Variants in TDRD9 observed in about 807,000 individuals in gnomAD.
The protein encoded by TDRD9 is tudor domain containing 9, also known as ATP-dependent RNA helicase TDRD9.
In TDRD9, 124 loss-of-function variants were observed where a neutral mutation model predicts 172.6. The ratio of observed to expected loss-of-function variants is 0.72; its 90% confidence interval spans 0.62 to 0.83. The LOEUF is 0.83. TDRD9 is among the 40% of genes least tolerant of loss of function. The pLI, the probability that TDRD9 is intolerant of heterozygous loss-of-function variation, is 0.00. For synonymous variants in TDRD9, 619 were observed against 617.1 expected, an observed-to-expected ratio of 1.00 and a Z score of -0.05; for missense variants, 1,479 against 1,714.1, an observed-to-expected ratio of 0.86 and a Z score of 2.42.
intron 31 of TDRD9, among the ~76,000 whole-genome samples, chr14:104,034,551 A>G (rs577939147): frequency 6.6e-6 from 1 of 152,244 alleles, no homozygotes; most frequent in Admixed American, 6.5e-5. Context: ...TACGCGGTGG[A>G]GCATTCTCAC....
chr14:103,995,837 A>T (rs778771453), intron 12 of TDRD9, 30 bp downstream of exon 12: 1 of 1,581,768 alleles, frequency 6.3e-7, no homozygotes, highest in South Asian at 1.2e-5. Context: ...ACCTCCTGGC[A>T]TTAGCTGTAG....
intron 5 of TDRD9, among the ~76,000 whole-genome samples, chr14:103,968,740 G>A (rs1329850924): frequency 1.7e-5 from 2 of 119,702 alleles, no homozygotes; most frequent in Admixed American, 1.1e-4. Flanking sequence ...AGGTTGCAGT[G>A]AGCTGAGATT....
At chr14:104,018,666 T>A (rs1417560544) in intron 23 of TDRD9, among the ~76,000 whole-genome samples, 1 of 152,232 alleles carries the variant, frequency 6.6e-6, no homozygotes, top group Non-Finnish European at 1.5e-5. Flanking sequence ...ACTTACTGCA[T>A]GTAAGGAACA....
At chr14:103,952,252 T>C (rs1453541581) in intron 1 of TDRD9, among the ~76,000 whole-genome samples, 1 of 60,460 alleles carries the variant, frequency 1.7e-5, no homozygotes, top group Non-Finnish European at 3.1e-5. Context: ...TTTTTTTTTT[T>C]TTTTTTGAGG....
intron 1 of TDRD9, among the ~76,000 whole-genome samples, chr14:103,932,959 C>T (rs914806083): frequency 2.0e-5 from 3 of 151,826 alleles, no homozygotes; most frequent in African/African-American, 7.3e-5. Context: ...CAAGAATTGC[C>T]GGAGATGGTG....
intron 2 of TDRD9, among the ~76,000 whole-genome samples, chr14:103,962,310 T>A (rs1337044114): frequency 6.6e-6 from 1 of 152,166 alleles, no homozygotes; most frequent in East Asian, 1.9e-4. Context: ...AAGGAAAAGT[T>A]TTCTCTTTAA....
intron 1 of TDRD9, among the ~76,000 whole-genome samples, chr14:103,951,394 A>G: frequency 6.6e-6 from 1 of 152,000 alleles, no homozygotes; most frequent in Non-Finnish European, 1.5e-5. Flanking sequence ...TTTTATTTTA[A>G]CCCCCTTTAA....
intron 20 of TDRD9, among the ~76,000 whole-genome samples, chr14:104,011,582 T>A (rs1038147375): frequency 4.1e-4 from 62 of 152,346 alleles, no homozygotes; most frequent in African/African-American, 1.4e-3. Context: ...TGATCCATTC[T>A]GGATTCTAAT....
At chr14:104,007,680 A>G (rs1048618953) in intron 19 of TDRD9, among the ~76,000 whole-genome samples, 1 of 141,648 alleles carries the variant, frequency 7.1e-6, no homozygotes, top group Admixed American at 7.0e-5. Context: ...TTCTAAACTT[A>G]TTTGGTTCAA....
At chr14:104,006,907 AC>A in intron 18 of TDRD9, 62 bp downstream of exon 18, 1 of 1,395,734 alleles carries the variant, frequency 7.2e-7, no homozygotes, top group Non-Finnish European at 1.0e-6. Context: ...ACATTTTCAT[AC>A]CACAAACATA....
At chr14:103,960,596 C>T (rs1173363614) in intron 2 of TDRD9, among the ~76,000 whole-genome samples, 3 of 152,192 alleles carry the variant, frequency 2.0e-5, no homozygotes, top group African/African-American at 7.2e-5. Context: ...GTGCGAGAGC[C>T]ACACAGCTGG....
At chr14:103,991,562 G>A (rs185632471) in intron 9 of TDRD9, among the ~76,000 whole-genome samples, 279 of 151,736 alleles carry the variant, frequency 1.8e-3, no homozygotes, top group Middle Eastern at 3.4e-3. Context: ...ACAGGTGCAC[G>A]CCACCACGCC....
chr14:103,953,060 A>G (rs1438498957), intron 1 of TDRD9, among the ~76,000 whole-genome samples: 1 of 152,110 alleles, frequency 6.6e-6, no homozygotes, highest in Non-Finnish European at 1.5e-5. Context: ...GTTTTGCTGC[A>G]AATGTTTTCT....
chr14:103,964,507 T>C (rs575374398), intron 3 of TDRD9, among the ~76,000 whole-genome samples: 1 of 152,040 alleles, frequency 6.6e-6, no homozygotes, highest in Non-Finnish European at 1.5e-5. Flanking sequence ...AGTTACTATT[T>C]TTTTTGTTGT....
chr14:104,039,639 G>A (rs1383170063), intron 32 of TDRD9, among the ~76,000 whole-genome samples: 3 of 152,224 alleles, frequency 2.0e-5, no homozygotes, highest in African/African-American at 7.2e-5. Context: ...GCTGTTGGCC[G>A]CAGCCATGGA....
intron 1 of TDRD9, among the ~76,000 whole-genome samples, chr14:103,935,041 T>C (rs1437397202): frequency 6.6e-6 from 1 of 152,182 alleles, no homozygotes; most frequent in Non-Finnish European, 1.5e-5. Context: ...AGACTGATTT[T>C]CCCTGACCAA....
rs577562946 is a variant in TDRD9, at chr14:103,981,346, C to T, written c.1012-4871C>T. ...ACACTTAGATGCTTCCTTGTGGACCCGCTGAGGAGCTGGATCAGGCCTTGC... is the reference window on the plus strand; with the variant it reads ...ACACTTAGATGCTTCCTTGTGGACCTGCTGAGGAGCTGGATCAGGCCTTGC... On this transcript the variant is annotated intron_variant, in intron 7 of 35. Coordinates refer to ENST00000409874, the MANE Select transcript of TDRD9 (RefSeq NM_153046.3). Among the ~76,000 whole-genome samples, 24 of 152,274 alleles carry T rather than the reference C, an allele frequency of 1.6e-4. No homozygotes were observed. In the East Asian group the frequency reaches 4.1e-3, roughly 26 times the overall value.
intron 8 of TDRD9, among the ~76,000 whole-genome samples, chr14:103,989,071 T>TTTTG (rs10696343): frequency 0.43 from 65,298 of 151,622 alleles, 14,241 homozygotes; most frequent in Admixed American, 0.51. Flanking sequence ...ACTCTCATTT[T>TTTTG]TTTATCTGGG....
chr14:103,932,801 G>C (rs1454804748), intron 1 of TDRD9, among the ~76,000 whole-genome samples: 1 of 152,166 alleles, frequency 6.6e-6, no homozygotes, highest in Non-Finnish European at 1.5e-5. Flanking sequence ...CGGTCTGAGA[G>C]AGTGTTGTTA....
Sources: gnomAD v4.1 joint callset for allele counts (sites outside exome capture counted in the v4.1 genomes callset) on GRCh38, gnomAD v4.1.1 for gene constraint, MANE v1.5 for transcripts, NCBI Gene and HGNC (gene_info 2026-07-23, HGNC 2026-07-21) for gene names.